FAM184B: variants seen among roughly 807,000 people sequenced by gnomAD.
FAM184B encodes the protein family with sequence similarity 184 member B, also known as protein FAM184B.
A neutral mutation model predicts 135.9 loss-of-function variants in FAM184B; 111 were observed. That is an observed-to-expected ratio of 0.82 (90% confidence interval 0.70 to 0.96). The LOEUF is 0.96. FAM184B is among the 40% of genes least tolerant of loss of function. The pLI is 0.00. For missense variants in FAM184B, 1,375 were observed against 1,323.9 expected (o/e 1.04, Z -0.60); for synonymous variants, 552 against 524.8 (o/e 1.05, Z -0.71).
chr4:17,772,222 T>G (rs377631412), intron 1 of FAM184B, among the ~76,000 whole-genome samples: 1 of 152,238 alleles, frequency 6.6e-6, no homozygotes, highest in Non-Finnish European at 1.5e-5. Flanking sequence ...TAACTTTGAA[T>G]AGAAATGATA....
intron 1 of FAM184B, among the ~76,000 whole-genome samples, chr4:17,724,655 C>T (rs1473719299): frequency 6.6e-6 from 1 of 152,170 alleles, no homozygotes; most frequent in African/African-American, 2.4e-5. Context: ...AGGCAGGGAA[C>T]CACACCGCAC....
At chr4:17,694,513 A>G (rs1716810825) in intron 5 of FAM184B, among the ~76,000 whole-genome samples, 1 of 119,746 alleles carries the variant, frequency 8.4e-6, no homozygotes, top group African/African-American at 3.1e-5. Flanking sequence ...ACAGAGCAAG[A>G]CTCCATCTCA....
intron 1 of FAM184B, among the ~76,000 whole-genome samples, chr4:17,769,768 G>A (rs1718772731): frequency 6.6e-6 from 1 of 152,154 alleles, no homozygotes; most frequent in South Asian, 2.1e-4. Context: ...GAAGAATTTG[G>A]TTCACTTAGT....
intron 1 of FAM184B, among the ~76,000 whole-genome samples, chr4:17,724,126 C>CACACAA (rs1717591544): frequency 6.6e-6 from 1 of 151,958 alleles, no homozygotes; most frequent in African/African-American, 2.4e-5. Context: ...CACACACACA[C>CACACAA]ACACACACTC....
intron 11 of FAM184B, 85 bp from the exon 12 acceptor site, chr4:17,647,876 T>G (rs6813375): frequency 0.6 from 834,018 of 1,384,810 alleles, 256,582 homozygotes; most frequent in East Asian, 0.91. Flanking sequence ...TGGGGTGGGG[T>G]TGGATGACGT....
chr4:17,664,982 G>A (rs886625297), intron 7 of FAM184B, among the ~76,000 whole-genome samples: 1 of 152,174 alleles, frequency 6.6e-6, no homozygotes, highest in Non-Finnish European at 1.5e-5. Flanking sequence ...AGGGAGGAGT[G>A]GAAATGAAAT....
chr4:17,722,215 A>G (rs1275400972), intron 1 of FAM184B, among the ~76,000 whole-genome samples: 2 of 152,220 alleles, frequency 1.3e-5, no homozygotes, highest in South Asian at 2.1e-4. Context: ...AAAAGGCCAC[A>G]GTCACTGCTC....
chr4:17,748,118 A>G (rs1411549318), intron 1 of FAM184B, among the ~76,000 whole-genome samples: 4 of 150,382 alleles, frequency 2.7e-5, no homozygotes, highest in Middle Eastern at 3.2e-3. Context: ...AAAAAAAAAA[A>G]AAAAAGAAAA....
chr4:17,691,959 A>G (rs1716745839), intron 6 of FAM184B, among the ~76,000 whole-genome samples: 1 of 151,866 alleles, frequency 6.6e-6, no homozygotes, highest in Non-Finnish European at 1.5e-5. Flanking sequence ...AGGCTGAGAC[A>G]GGAGAATCGC....
intron 12 of FAM184B, among the ~76,000 whole-genome samples, chr4:17,645,833 C>T (rs1316268841): frequency 6.6e-6 from 1 of 152,070 alleles, no homozygotes; most frequent in Non-Finnish European, 1.5e-5. Context: ...ACTCATCTGA[C>T]AAAGGGCTAA....
At position 17,631,911 on chromosome 4, in the gene FAM184B, G is replaced by A. The variant is rs1428528515; in HGVS notation, c.*621C>T. On this transcript the variant is annotated 3_prime_UTR_variant, in exon 18 of 18. Coordinates refer to ENST00000265018, the MANE Select transcript of FAM184B (RefSeq NM_015688.2). ...ACAACCACTTTTGAAATAGATCATGGAAATCACAAAGTCTGATGTTCCACA... is the reference window on the plus strand; with the variant it reads ...ACAACCACTTTTGAAATAGATCATGAAAATCACAAAGTCTGATGTTCCACA... 6.6e-6 allele frequency: 1 copy of A among 152,086 alleles called. No homozygotes were observed. Among genetic ancestry groups the A allele is most frequent in the Non-Finnish European group, 1.5e-5 (1 of 68,030 alleles). 9.4% of individuals were successfully genotyped at this position (152,086 alleles called of 1,614,324 possible).
At chr4:17,671,329 G>A (rs1364135157) in intron 7 of FAM184B, among the ~76,000 whole-genome samples, 1 of 152,164 alleles carries the variant, frequency 6.6e-6, no homozygotes, top group East Asian at 1.9e-4. Context: ...TCTTGCTGCT[G>A]TTGGAGCTCT....
At chr4:17,769,502 C>T (rs1718767026) in intron 1 of FAM184B, among the ~76,000 whole-genome samples, 5 of 152,006 alleles carry the variant, frequency 3.3e-5, no homozygotes, top group Admixed American at 3.3e-4. Flanking sequence ...ATGGAGGCAC[C>T]ACGTCTGAAT....
At chr4:17,642,377 A>T in intron 12 of FAM184B, 149 bp from the exon 13 acceptor site, 1 of 1,346,288 alleles carries the variant, frequency 7.4e-7, no homozygotes. Context: ...CCCTGCAGGG[A>T]CTCCCATCTA....
At chr4:17,755,384 G>C (rs116596015) in intron 1 of FAM184B, among the ~76,000 whole-genome samples, 5,002 of 152,216 alleles carry the variant, frequency 0.033, 265 homozygotes, top group African/African-American at 0.11. Context: ...AGTCAGAATG[G>C]TGATTATTAA....
intron 10 of FAM184B, among the ~76,000 whole-genome samples, chr4:17,654,849 GTCTTTT>G (rs138398137): frequency 0.014 from 2,159 of 152,264 alleles, 21 homozygotes; most frequent in Middle Eastern, 0.024. Context: ...TGTGCCAAAT[GTCTTTT>G]TCTTTTTCTT....
At chr4:17,760,646 T>G (rs1718525333) in intron 1 of FAM184B, among the ~76,000 whole-genome samples, 1 of 152,080 alleles carries the variant, frequency 6.6e-6, no homozygotes, top group Non-Finnish European at 1.5e-5. Context: ...CCATAAGACA[T>G]TCTTAGGTAT....
chr4:17,750,696 C>T (rs1328018373), intron 1 of FAM184B, among the ~76,000 whole-genome samples: 1 of 152,180 alleles, frequency 6.6e-6, no homozygotes, highest in Non-Finnish European at 1.5e-5. Context: ...TAATGAAAAC[C>T]ATATAGCTCT....
intron 15 of FAM184B, among the ~76,000 whole-genome samples, chr4:17,635,866 G>T (rs189246534): frequency 6.6e-6 from 1 of 152,150 alleles, no homozygotes; most frequent in Non-Finnish European, 1.5e-5. Flanking sequence ...GGGGCTTAGG[G>T]AGTGGCTTTG....
Sources: allele counts gnomAD v4.1 joint callset (sites outside exome capture counted in the v4.1 genomes callset), GRCh38; gene constraint gnomAD v4.1.1; transcripts MANE v1.5; gene names NCBI Gene and HGNC (gene_info 2026-07-23, HGNC 2026-07-21).